ATG13: variants seen among roughly 807,000 people sequenced by gnomAD.
ATG13 encodes the protein autophagy related 13.
In ATG13, 23 loss-of-function variants were observed where a neutral mutation model predicts 65.5. That is an observed-to-expected ratio of 0.35 (90% CI 0.25 to 0.50). The LOEUF is 0.50. ATG13 is among the 20% of genes least tolerant of loss of function. The pLI is 0.98. For synonymous variants in ATG13, 252 were observed against 245.2 expected (o/e 1.03, Z -0.26); for missense variants, 566 against 677.0 (o/e 0.84, Z 1.82).
chr11:46,631,303 A>T (rs1474382689), intron 2 of ATG13, among the ~76,000 whole-genome samples: 2 of 152,130 alleles, frequency 1.3e-5, no homozygotes, highest in Non-Finnish European at 2.9e-5. Flanking sequence ...TAATCTGTCC[A>T]CCTCGGCTTC....
rs766243483 is a variant in ATG13 at position 46,645,886 on chromosome 11, A to G, written c.167A>G (p.Lys56Arg). 15 of 1,614,062 alleles carry G rather than the reference A, an allele frequency of 9.3e-6. 1 individual carries two copies. Among genetic ancestry groups the G allele is most frequent in the South Asian group, 7.7e-5 (7 of 91,084 alleles). ...TGSDWFNLAI[K>R]DIPEVTHEAK... is the part of the protein sequence containing the mutation. ...GTTTTCCAGTTCAACTTAGCAATCAAAGACATCCCAGAGGTTACACATGAA... is the reference window on the plus strand; with the variant it reads ...GTTTTCCAGTTCAACTTAGCAATCAGAGACATCCCAGAGGTTACACATGAA... Residue 56 changes from lysine (K) to arginine (R), a missense_variant, in exon 5 of 19, where the codon AAA (lysine) becomes AGA (arginine). Physicochemically the swap from Lys to Arg is conservative, Grantham distance 26. Around this residue, in one of 2 missense-constraint regions of ATG13, gnomAD observed 179 missense variants for 267.2 expected, o/e 0.67. Transcript: ENST00000683050.
intron 1 of ATG13, among the ~76,000 whole-genome samples, chr11:46,629,405 GT>G (rs2050891054): frequency 6.6e-6 from 1 of 151,798 alleles, no homozygotes; most frequent in Non-Finnish European, 1.5e-5. Flanking sequence ...TTTTGTTTTT[GT>G]TTTTTTCCGA....
At chr11:46,618,746 T>G (rs983175756) in intron 1 of ATG13, among the ~76,000 whole-genome samples, 12 of 146,376 alleles carry the variant, frequency 8.2e-5, no homozygotes, top group Admixed American at 4.1e-4. Context: ...AATTATGAGG[T>G]TTTTTTTTTG....
At chr11:46,664,191 C>CA in intron 12 of ATG13, 96 bp downstream of exon 12, 1 of 975,496 alleles carries the variant, frequency 1.0e-6, no homozygotes, top group Admixed American at 2.4e-5. Flanking sequence ...TTAAATGTCC[C>CA]AAGTGTTCTG....
intron 1 of ATG13, among the ~76,000 whole-genome samples, chr11:46,628,803 G>C (rs889647714): frequency 2.6e-5 from 4 of 152,036 alleles, no homozygotes; most frequent in Admixed American, 2.6e-4. Context: ...TAAATTTACA[G>C]TTTCACAAAT....
intron 11 of ATG13, among the ~76,000 whole-genome samples, chr11:46,660,920 G>C (rs892113568): frequency 6.6e-6 from 1 of 151,962 alleles, no homozygotes; most frequent in Admixed American, 6.6e-5. Flanking sequence ...ATGTTGCCCA[G>C]GCTGGTCTTG....
At chr11:46,663,064 G>C (rs1195595019) in intron 11 of ATG13, among the ~76,000 whole-genome samples, 1 of 152,058 alleles carries the variant, frequency 6.6e-6, no homozygotes, top group Non-Finnish European at 1.5e-5. Context: ...AGGAGATCGA[G>C]ACCATCCTGG....
At chr11:46,634,273 C>T (rs2053099168) in intron 2 of ATG13, among the ~76,000 whole-genome samples, 1 of 151,122 alleles carries the variant, frequency 6.6e-6, no homozygotes, top group African/African-American at 2.4e-5. Flanking sequence ...CGTTTTTTTG[C>T]ATTTTTAATA....
At chr11:46,660,557 C>T (rs1479430246) in intron 11 of ATG13, among the ~76,000 whole-genome samples, 4 of 151,536 alleles carry the variant, frequency 2.6e-5, no homozygotes, top group African/African-American at 7.3e-5. Flanking sequence ...TATAGGTGCC[C>T]GCCACCACGC....
At chr11:46,633,519 G>C (rs2052739023) in intron 2 of ATG13, among the ~76,000 whole-genome samples, 2 of 151,594 alleles carry the variant, frequency 1.3e-5, no homozygotes, top group South Asian at 4.2e-4. Flanking sequence ...AGCTAATTTT[G>C]TATTTTTAGT....
At chr11:46,655,436 G>C (rs1225406684) in intron 7 of ATG13, among the ~76,000 whole-genome samples, 7 of 151,786 alleles carry the variant, frequency 4.6e-5, no homozygotes, top group Non-Finnish European at 8.8e-5. Flanking sequence ...AGCCGGGCGT[G>C]GTGGCATGCG....
At chr11:46,646,997 C>T (rs1056348880) in intron 5 of ATG13, among the ~76,000 whole-genome samples, 1 of 151,768 alleles carries the variant, frequency 6.6e-6, no homozygotes, top group African/African-American at 2.4e-5. Context: ...TGAGCTCAAG[C>T]GATCTGCCTG....
At chr11:46,665,658 T>G in intron 14 of ATG13, 139 bp downstream of exon 14, 1 of 1,238,252 alleles carries the variant, frequency 8.1e-7, no homozygotes, top group Non-Finnish European at 1.1e-6. Context: ...AAGCATGGAC[T>G]CCTAGCTGGG....
intron 8 of ATG13, among the ~76,000 whole-genome samples, chr11:46,656,602 A>T (rs1158624863): frequency 1.3e-5 from 2 of 152,248 alleles, no homozygotes; most frequent in East Asian, 3.8e-4. Flanking sequence ...CAAGAAAATC[A>T]GGAAAGCTTT....
chr11:46,663,356 T>A (rs561826855), intron 11 of ATG13, among the ~76,000 whole-genome samples: 1 of 149,876 alleles, frequency 6.7e-6, no homozygotes, highest in Non-Finnish European at 1.5e-5. Context: ...TTTGAAATCA[T>A]AAGAGTTTTC....
intron 5 of ATG13, among the ~76,000 whole-genome samples, chr11:46,647,218 G>C (rs1339423673): frequency 6.6e-6 from 1 of 150,430 alleles, no homozygotes; most frequent in African/African-American, 2.5e-5. Flanking sequence ...GTTTATATTT[G>C]TTTCTAGAGT....
chr11:46,623,042 C>G (rs2048278733), intron 1 of ATG13, among the ~76,000 whole-genome samples: 1 of 152,100 alleles, frequency 6.6e-6, no homozygotes, highest in South Asian at 2.1e-4. Context: ...TGCCTGTAAT[C>G]CCAGCACTTT....
At chr11:46,653,783 A>T (rs1007416129) in intron 7 of ATG13, among the ~76,000 whole-genome samples, 2 of 150,778 alleles carry the variant, frequency 1.3e-5, no homozygotes, top group Non-Finnish European at 3.0e-5. Context: ...GTTAGCCAGG[A>T]TGGTCTCGAT....
chr11:46,656,390 G>C lies in ATG13; in HGVS notation c.499+117G>C, dbSNP rs1289374468. ...TGTCATCTTAATATGCATAATACAA[G>C]TAAAGAAAAGATGAGAATGCAGGTA... On this transcript the variant is annotated intron_variant, in intron 8 of 18. Coordinates refer to ENST00000683050, the MANE Select transcript of ATG13 (RefSeq NM_001346311.2). 1.9e-5 allele frequency: 20 copies of C among 1,071,136 alleles called. No homozygotes were observed. In the Admixed American group the frequency reaches 4.6e-4, roughly 25 times the overall value. The allele number at this position is 1,071,136 out of a possible 1,614,324, so 66.4% of individuals were successfully genotyped here.
Sources: gnomAD v4.1 joint callset for allele counts (sites outside exome capture counted in the v4.1 genomes callset) on GRCh38, gnomAD v4.1.1 for gene constraint, gnomAD v4.1.1 regional missense constraint, MANE v1.5 for transcripts, NCBI Gene and HGNC (gene_info 2026-07-23, HGNC 2026-07-21) for gene names.